The following OPCML variants were observed in gnomAD, a reference collection of about 807,000 sequenced individuals.
OPCML encodes opioid binding protein/cell adhesion molecule like.
Under a neutral mutation model 37.8 loss-of-function variants are expected in OPCML, and 13 were observed. The ratio of observed to expected loss-of-function variants is 0.34; its 90% confidence interval spans 0.22 to 0.55. The LOEUF (loss-of-function observed/expected upper bound fraction) is 0.55, where lower values mean the gene tolerates loss of function less well. OPCML is among the 20% of genes least tolerant of loss of function. The probability of loss-of-function intolerance (pLI) is 0.91; values close to 1 mark genes in which losing one functional copy is unlikely to be tolerated. For synonymous variants in OPCML, 176 were observed against 168.8 expected (o/e 1.04, Z -0.33); for missense variants, 341 against 435.6 (o/e 0.78, Z 1.93).
intron 3 of OPCML, among the ~76,000 whole-genome samples, chr11:132,647,085 C>T (rs1941189301): frequency 6.6e-6 from 1 of 152,156 alleles, no homozygotes; most frequent in South Asian, 2.1e-4. Flanking sequence ...CCTGGCGTGG[C>T]AGTCTGACCT....
chr11:132,863,549 C>T (rs1055358254), intron 2 of OPCML, among the ~76,000 whole-genome samples: 1 of 152,142 alleles, frequency 6.6e-6, no homozygotes, highest in Non-Finnish European at 1.5e-5. Flanking sequence ...CTGAGGCTGG[C>T]GGCAGAATCC....
intron 1 of OPCML, among the ~76,000 whole-genome samples, chr11:133,454,545 A>G (rs911777639): frequency 6.6e-6 from 1 of 152,228 alleles, no homozygotes; most frequent in Non-Finnish European, 1.5e-5. Context: ...TAGCTGGAAG[A>G]ATAGAAGACT....
intron 2 of OPCML, among the ~76,000 whole-genome samples, chr11:132,683,471 G>T (rs1943038238): frequency 6.6e-6 from 1 of 152,160 alleles, no homozygotes; most frequent in Non-Finnish European, 1.5e-5. Context: ...ATGATTTAGA[G>T]TCACAAAACC....
chr11:133,315,248 A>T (rs536041443), intron 1 of OPCML, among the ~76,000 whole-genome samples: 1 of 152,272 alleles, frequency 6.6e-6, no homozygotes, highest in Admixed American at 6.5e-5. Flanking sequence ...TTAAAGTGGA[A>T]TCTAATGACA....
At chr11:133,005,593 A>G (rs1947094303) in intron 1 of OPCML, 4 of 985,236 alleles carry the variant, frequency 4.1e-6, no homozygotes, top group Middle Eastern at 5.2e-4. Flanking sequence ...CTTAGGGACT[A>G]CAGATGTTTT....
chr11:132,547,723 C>T (rs1048044422), intron 3 of OPCML, among the ~76,000 whole-genome samples: 1 of 152,126 alleles, frequency 6.6e-6, no homozygotes, highest in Admixed American at 6.5e-5. Flanking sequence ...GGTAAGTTAA[C>T]ACCTCCATCA....
chr11:133,342,330 G>A (rs538064503), intron 1 of OPCML, among the ~76,000 whole-genome samples: 1 of 152,312 alleles, frequency 6.6e-6, no homozygotes, highest in South Asian at 2.1e-4. Flanking sequence ...ATCACTCCAT[G>A]AGCACAGGAA....
intron 2 of OPCML, among the ~76,000 whole-genome samples, chr11:132,894,526 G>T (rs556122242): frequency 1.3e-5 from 2 of 152,168 alleles, no homozygotes; most frequent in African/African-American, 4.8e-5. Context: ...TTAATTTTAC[G>T]TATCCACCTA....
chr11:133,344,628 C>G (rs960233691), intron 1 of OPCML, among the ~76,000 whole-genome samples: 3 of 152,188 alleles, frequency 2.0e-5, no homozygotes, highest in Non-Finnish European at 4.4e-5. Context: ...AGCCCCACCT[C>G]CTACTTCTCT....
At chr11:133,003,366 T>C (rs1359235526) in intron 1 of OPCML, among the ~76,000 whole-genome samples, 1 of 152,126 alleles carries the variant, frequency 6.6e-6, no homozygotes, top group African/African-American at 2.4e-5. Context: ...CCTTCACTTG[T>C]GGCCACATCT....
Position 132,626,987 on chromosome 11 carries a change from C to T in OPCML, c.379+30100G>A, listed in dbSNP as rs367833116. Among the ~76,000 whole-genome samples the T allele has an allele frequency of 4.1e-4, 62 of 151,434 alleles. 1 individual carries two copies. In the South Asian group the frequency reaches 0.012, roughly 29 times the overall value. ...ATTCAAATGATGAAACACATCACACCTGCCAACACTAAAAAGCTATAAATA... is the reference window on the plus strand; with the variant it reads ...ATTCAAATGATGAAACACATCACACTTGCCAACACTAAAAAGCTATAAATA... On this transcript the variant is annotated intron_variant, in intron 3 of 7. Coordinates refer to ENST00000524381, the MANE Select transcript of OPCML (RefSeq NM_001012393.5).
At chr11:132,844,436 G>C (rs940605991) in intron 2 of OPCML, among the ~76,000 whole-genome samples, 1 of 152,224 alleles carries the variant, frequency 6.6e-6, no homozygotes, top group African/African-American at 2.4e-5. Flanking sequence ...TGGGTGCATG[G>C]TGGGGGGAGG....
intron 2 of OPCML, among the ~76,000 whole-genome samples, chr11:132,744,306 GT>G (rs1445051453): frequency 1.3e-5 from 2 of 152,182 alleles, no homozygotes; most frequent in African/African-American, 2.4e-5. Context: ...CCCAGCTGAA[GT>G]TTTTCCAGCC....
At chr11:133,280,796 T>G (rs949080400) in intron 1 of OPCML, among the ~76,000 whole-genome samples, 5 of 152,194 alleles carry the variant, frequency 3.3e-5, no homozygotes, top group Non-Finnish European at 7.3e-5. Context: ...AGGGATATGA[T>G]GTTAAGAGTG....
intron 3 of OPCML, among the ~76,000 whole-genome samples, chr11:132,630,734 C>T (rs536540606): frequency 6.6e-6 from 1 of 152,220 alleles, no homozygotes; most frequent in Admixed American, 6.5e-5. Flanking sequence ...ATAAACTTCA[C>T]CATCTATCTC....
At chr11:133,396,158 T>C (rs921612028) in intron 1 of OPCML, among the ~76,000 whole-genome samples, 1 of 98,466 alleles carries the variant, frequency 1.0e-5, no homozygotes, top group African/African-American at 3.9e-5. Flanking sequence ...TAGGATTACT[T>C]TTTTTTTTCT....
chr11:133,421,623 C>T (rs1289251270), intron 1 of OPCML: 1 of 985,260 alleles, frequency 1.0e-6, no homozygotes, highest in Admixed American at 6.1e-5. Context: ...AATGTTAAGG[C>T]TCAGTCATTC....
chr11:132,599,555 G>A (rs1937708318), intron 3 of OPCML, among the ~76,000 whole-genome samples: 1 of 152,096 alleles, frequency 6.6e-6, no homozygotes, highest in Non-Finnish European at 1.5e-5. Flanking sequence ...CCAAATGGCA[G>A]GCTCACATCT....
At chr11:132,548,213 G>C (rs1026698572) in intron 3 of OPCML, among the ~76,000 whole-genome samples, 3 of 152,136 alleles carry the variant, frequency 2.0e-5, no homozygotes, top group African/African-American at 7.2e-5. Context: ...TGGTGGGCAG[G>C]GTGCAGAGAG....
Sources: allele counts gnomAD v4.1 joint callset (sites outside exome capture counted in the v4.1 genomes callset), GRCh38; gene constraint gnomAD v4.1.1; transcripts MANE v1.5; gene names NCBI Gene and HGNC (gene_info 2026-07-23, HGNC 2026-07-21).